The following LMAN1 variants were observed in gnomAD, a reference collection of about 807,000 sequenced individuals.
The protein encoded by LMAN1 is protein ERGIC-53.
In LMAN1, 32 loss-of-function variants were observed where a neutral mutation model predicts 67.8. That is an observed-to-expected ratio of 0.47 (90% CI 0.36 to 0.63). The LOEUF is 0.63. Ranked by LOEUF, LMAN1 falls within the 30% of genes least tolerant of loss-of-function variation. The probability of loss-of-function intolerance (pLI) is 0.00; values close to 1 mark genes in which losing one functional copy is unlikely to be tolerated. For synonymous variants in LMAN1, 235 were observed against 219.3 expected, an observed-to-expected ratio of 1.07 and a Z score of -0.63; for missense variants, 632 against 628.2, an observed-to-expected ratio of 1.01 and a Z score of -0.06.
At chr18:59,350,843 G>A (rs1281174727) in intron 5 of LMAN1, among the ~76,000 whole-genome samples, 2 of 152,106 alleles carry the variant, frequency 1.3e-5, no homozygotes, top group African/African-American at 4.8e-5. Flanking sequence ...CTGTGAGTTA[G>A]CAGGAATGTT....
rs868480073 is a variant in LMAN1 at position 59,344,179 on chromosome 18, T to C, written c.955+1740A>G. ...AGATGTGGAGAAGAGGGAATGCTTA[T>C]ATGCTGTTGGTGGGAATGTAAATTA... On this transcript the variant is annotated intron_variant, in intron 8 of 12. Transcript: ENST00000251047. 1.3e-5 allele frequency among the ~76,000 whole-genome samples: 2 copies of C among 152,162 alleles called. 1 individual carries two copies. Among genetic ancestry groups the C allele is most frequent in the South Asian group, 4.1e-4 (2 of 4,832 alleles).
intron 5 of LMAN1, chr18:59,351,703 A>C (rs1371095856): frequency 6.6e-6 from 1 of 152,242 alleles, no homozygotes; most frequent in African/African-American, 2.4e-5. Flanking sequence ...TTGCAAGGCT[A>C]TTGTTTTGGA....
intron 1 of LMAN1, among the ~76,000 whole-genome samples, chr18:59,357,173 T>A (rs1319913739): frequency 1.3e-5 from 2 of 152,236 alleles, no homozygotes; most frequent in Non-Finnish European, 1.5e-5. Flanking sequence ...AGTAGCCAGA[T>A]AAATCATGGC....
At position 59,328,513 on chromosome 18, in the gene LMAN1, T is replaced by C. The variant is rs1179805446; in HGVS notation, c.*2580A>G. On this transcript the variant is annotated 3_prime_UTR_variant, in exon 13 of 13. Transcript: ENST00000251047. ...AATCAGTGCATATCTGTTAATGTCA[T>C]TGACAATAAAAATATATTATCTTCT... 6.6e-6 allele frequency: 1 copy of C among 152,224 alleles called. No homozygotes were observed. Among genetic ancestry groups the C allele is most frequent in the Admixed American group, 6.5e-5 (1 of 15,278 alleles). 9.4% of individuals were successfully genotyped at this position (152,224 alleles called of 1,614,324 possible). A position where few individuals can be genotyped will look rare whatever the true frequency, so the allele number is the denominator to read the frequency against.
rs1275443701 is a variant in LMAN1, at chr18:59,338,540, T to A, written c.1220+17A>T. 40 of 1,603,686 alleles carry A rather than the reference T, an allele frequency of 2.5e-5. No homozygotes were observed. Among genetic ancestry groups the A allele is most frequent in the Non-Finnish European group, 3.3e-5 (39 of 1,171,332 alleles). Reference sequence around the variant, plus strand: ...AAAAAATCACATAACACACAAACGCTACTTTTCCATACTTACTTCATTTCA... The same window carrying A: ...AAAAAATCACATAACACACAAACGCAACTTTTCCATACTTACTTCATTTCA... On this transcript the variant is annotated intron_variant, in intron 10 of 12. Transcript: ENST00000251047.
chr18:59,334,865 TAAAGAA>T (rs1234430737), intron 10 of LMAN1, among the ~76,000 whole-genome samples: 1 of 152,102 alleles, frequency 6.6e-6, no homozygotes, highest in African/African-American at 2.4e-5. Flanking sequence ...AGCTAAATCC[TAAAGAA>T]AAAGTTCCAG....
intron 12 of LMAN1, 116 bp downstream of exon 12, chr18:59,331,302 T>A (rs2070745797): frequency 3.3e-6 from 4 of 1,205,878 alleles, no homozygotes; most frequent in South Asian, 1.3e-5. Flanking sequence ...GAAATCACAA[T>A]AAACTTAATT....
In LMAN1 at chr18:59,349,104, A is replaced by C; in HGVS notation, c.763+9T>G. 6.2e-7 allele frequency: 1 copy of C among 1,614,012 alleles called. No homozygotes were observed. Among genetic ancestry groups the C allele is most frequent in the East Asian group, 2.2e-5 (1 of 44,850 alleles). On this transcript the variant is annotated intron_variant, in intron 6 of 12. Coordinates refer to ENST00000251047, the MANE Select transcript of LMAN1 (RefSeq NM_005570.4). The stretch of plus-strand genomic sequence containing the variant: ...CAAACTTTTAATATCATCAGACTGC[A>C]AGATTTACCTGCAAGACCTCCAGTT...
At position 59,353,233 on chromosome 18, in the gene LMAN1, G is replaced by T. The variant is rs1246954193; in HGVS notation, c.608C>A (p.Ala203Glu). The change falls in exon 5 of 13, where the codon GCA (alanine) becomes GAA (glutamate). Residue 203 changes from alanine to glutamate, a missense_variant. Ala to Glu is a moderately radical substitution (Grantham distance 107). Coordinates refer to ENST00000251047, the MANE Select transcript of LMAN1 (RefSeq NM_005570.4). ...TGTGTTCTGGTAATAGGTAATCTTT[G>T]CTCGGACAGGATAGGGTTTGTTGCG... ...DFRNKPYPVR[A>E]KITYYQNTLT... 2 of 1,613,840 alleles carry T rather than the reference G, an allele frequency of 1.2e-6. No homozygotes were observed. The highest frequency in any genetic ancestry group is 1.7e-6 in the Non-Finnish European group (2 of 1,179,920).
At chr18:59,352,922 CCTATCTATCTAT>C (rs764166780) in intron 5 of LMAN1, 3 of 372,280 alleles carry the variant, frequency 8.1e-6, no homozygotes, top group Non-Finnish European at 1.5e-5. Flanking sequence ...TATCTATCTA[CCTATCTATCTAT>C]CTATCTATAG....
At chr18:59,353,044 C>A in intron 5 of LMAN1, 158 bp downstream of exon 5, 1 of 665,070 alleles carries the variant, frequency 1.5e-6, no homozygotes, top group Non-Finnish European at 2.7e-6. Flanking sequence ...TGACCACTTA[C>A]ACTGAGCTGT....
At position 59,346,546 on chromosome 18, in the gene LMAN1, A is replaced by G. The variant is rs575436633; in HGVS notation, c.823-495T>C. On this transcript the variant is annotated intron_variant, in intron 7 of 12. Transcript: ENST00000251047. ...GGCCCTTTTTTCTTTTTTGAGATGG[A>G]CTCTTACTTTGTTGCCCAGGCTGAA... is the stretch of plus-strand genomic sequence containing the variant. Among the ~76,000 whole-genome samples the G allele has an allele frequency of 2.8e-5, 4 of 141,338 alleles. No homozygotes were observed. The East Asian group carries it at 8.5e-4, about 30-fold the overall frequency. The allele number at this position is 141,338 out of a possible 152,430, so 92.7% of individuals were successfully genotyped here. A position where few individuals can be genotyped will look rare whatever the true frequency, so the allele number is the denominator to read the frequency against.
Position 59,338,780 on chromosome 18 carries a change from T to A in LMAN1, c.1129A>T (p.Met377Leu). 5 of 1,614,138 alleles carry A rather than the reference T, an allele frequency of 3.1e-6. No homozygotes were observed. The highest frequency in any genetic ancestry group is 4.2e-6 in the Non-Finnish European group (5 of 1,180,008). ...TEEISKRGAG[M>L]PGQHGQITQQ... ...CCCACCTGCCCATGCTGCCCAGGCATTCCTGCTCCTCTTTTAGAGATTTCC... is the reference window on the plus strand; with the variant it reads ...CCCACCTGCCCATGCTGCCCAGGCAATCCTGCTCCTCTTTTAGAGATTTCC... Residue 377 changes from methionine (M) to leucine (L), a missense_variant, in exon 9 of 13, where the codon ATG (methionine) becomes TTG (leucine). Met to Leu is a conservative substitution (Grantham distance 15). Coordinates refer to ENST00000251047, the MANE Select transcript of LMAN1 (RefSeq NM_005570.4).
intron 6 of LMAN1, among the ~76,000 whole-genome samples, 161 bp downstream of exon 6, chr18:59,348,952 A>G (rs530125522): frequency 2.2e-4 from 33 of 152,250 alleles, no homozygotes; most frequent in Non-Finnish European, 3.5e-4. Flanking sequence ...GTAGAAAATT[A>G]GCAATCTCAA....
chr18:59,341,438 G>A (rs1193711862), intron 8 of LMAN1, among the ~76,000 whole-genome samples: 1 of 152,188 alleles, frequency 6.6e-6, no homozygotes, highest in East Asian at 1.9e-4. Context: ...TCCGACACAG[G>A]ACTACATATT....
chr18:59,347,063 T>C (rs904223648), intron 7 of LMAN1, among the ~76,000 whole-genome samples: 6 of 151,686 alleles, frequency 4.0e-5, no homozygotes, highest in African/African-American at 1.5e-4. Context: ...ACCCCGTCTC[T>C]AGCAAAAAAT....
chr18:59,336,815 T>C (rs1461239417), intron 10 of LMAN1, among the ~76,000 whole-genome samples: 1 of 151,874 alleles, frequency 6.6e-6, no homozygotes, highest in Non-Finnish European at 1.5e-5. Flanking sequence ...GCCCAGGAGG[T>C]TGAGGCTGCA....
intron 7 of LMAN1, 24 bp downstream of exon 7, chr18:59,347,489 T>G: frequency 6.3e-7 from 1 of 1,585,022 alleles, no homozygotes; most frequent in Non-Finnish European, 8.6e-7. Flanking sequence ...CTGATAAAGT[T>G]TTTGAAAATA....
chr18:59,358,901 C>A, intron 1 of LMAN1, 130 bp downstream of exon 1: 1 of 945,670 alleles, frequency 1.1e-6, no homozygotes, highest in South Asian at 1.4e-5. Flanking sequence ...GGAGGGTCCC[C>A]TCCACAGCGC....
Sources: allele counts gnomAD v4.1 joint callset (sites outside exome capture counted in the v4.1 genomes callset), GRCh38; gene constraint gnomAD v4.1.1; transcripts MANE v1.5; gene names NCBI Gene and HGNC (gene_info 2026-07-23, HGNC 2026-07-21).